CTNNA2: variants seen among roughly 807,000 people sequenced by gnomAD.
The protein encoded by CTNNA2 is catenin alpha 2, also known as catenin alpha-2.
CTNNA2 carries 42 observed loss-of-function variants against 101.0 expected under a neutral mutation model. The observed-to-expected ratio is 0.42, with a 90% CI of 0.32 to 0.54. The LOEUF (loss-of-function observed/expected upper bound fraction) is 0.54, where lower values mean the gene tolerates loss of function less well. Ranked by LOEUF, CTNNA2 falls within the 20% of genes least tolerant of loss-of-function variation. The pLI, the probability that CTNNA2 is intolerant of heterozygous loss-of-function variation, is 0.14. For synonymous variants in CTNNA2, 450 were observed against 456.4 expected, an observed-to-expected ratio of 0.99 and a Z score of 0.18; for missense variants, 871 against 1,223.1, an observed-to-expected ratio of 0.71 and a Z score of 4.29.
At chr2:79,315,338 T>G (rs183654978) in intron 3 of CTNNA2, among the ~76,000 whole-genome samples, 1 of 152,294 alleles carries the variant, frequency 6.6e-6, no homozygotes, top group African/African-American at 2.4e-5. Flanking sequence ...CCATTACCAC[T>G]ATCAATATTA....
intron 9 of CTNNA2, among the ~76,000 whole-genome samples, chr2:80,542,618 T>C (rs1291042922): frequency 3.3e-5 from 5 of 152,188 alleles, no homozygotes; most frequent in Non-Finnish European, 7.4e-5. Context: ...ATTACCTGAT[T>C]CTTGGGGCAT....
chr2:80,335,465 A>G (rs1223688289), intron 7 of CTNNA2, among the ~76,000 whole-genome samples: 1 of 152,166 alleles, frequency 6.6e-6, no homozygotes, highest in Non-Finnish European at 1.5e-5. Flanking sequence ...GGGTCAGACC[A>G]CAGGGCTGTG....
intron 7 of CTNNA2, among the ~76,000 whole-genome samples, chr2:79,911,246 CGTT>C (rs1014351896): frequency 5.3e-5 from 8 of 152,230 alleles, no homozygotes; most frequent in South Asian, 2.1e-4. Context: ...TTTGTTTGTT[CGTT>C]GTTGTTGTTA....
At chr2:79,264,302 T>C (rs1266988537) in intron 2 of CTNNA2, among the ~76,000 whole-genome samples, 3 of 152,156 alleles carry the variant, frequency 2.0e-5, no homozygotes, top group African/African-American at 7.2e-5. Flanking sequence ...GTAGTAGAGA[T>C]GATGCTTTAA....
chr2:80,502,579 T>C (rs1302644920), intron 9 of CTNNA2, among the ~76,000 whole-genome samples: 1 of 152,208 alleles, frequency 6.6e-6, no homozygotes, highest in Non-Finnish European at 1.5e-5. Flanking sequence ...TTCTTTCCTC[T>C]TCCTCAAAGC....
chr2:79,499,253 C>G (rs188109140), intron 4 of CTNNA2: 2 of 152,122 alleles, frequency 1.3e-5, no homozygotes, highest in Admixed American at 1.3e-4. Flanking sequence ...CTGCAAGTAA[C>G]AGAAAACCAG....
At chr2:80,070,251 A>G (rs1480884393) in intron 7 of CTNNA2, among the ~76,000 whole-genome samples, 1 of 152,196 alleles carries the variant, frequency 6.6e-6, no homozygotes, top group Admixed American at 6.5e-5. Flanking sequence ...CTAATTTACA[A>G]TAAGCGGGAT....
At chr2:79,633,601 TG>T (rs1226487022) in intron 1 of CTNNA2, 1 of 152,246 alleles carries the variant, frequency 6.6e-6, no homozygotes, top group Admixed American at 6.5e-5. Flanking sequence ...GAAAGATGTC[TG>T]TGAGATGCAT....
At chr2:80,009,954 C>T (rs886631134) in intron 7 of CTNNA2, among the ~76,000 whole-genome samples, 1 of 152,116 alleles carries the variant, frequency 6.6e-6, no homozygotes, top group Non-Finnish European at 1.5e-5. Flanking sequence ...GTTGCATGAA[C>T]CTGGGCAAAT....
In CTNNA2 at chr2:80,521,814, T is replaced by G. The variant is rs896729433; in HGVS notation, c.1291-23168T>G. Among the ~76,000 whole-genome samples the G allele has an allele frequency of 6.6e-5, 10 of 152,324 alleles. No homozygotes were observed. The East Asian group carries it at 1.5e-3, about 24-fold the overall frequency. Reference sequence around the variant, plus strand: ...CAGAAATGTAAGATAAATTTTGTGATGTCTGAAGCCATTAAAGTTGTAATT... The same window carrying G: ...CAGAAATGTAAGATAAATTTTGTGAGGTCTGAAGCCATTAAAGTTGTAATT... On this transcript the variant is annotated intron_variant, in intron 9 of 18. Coordinates refer to ENST00000402739, the MANE Select transcript of CTNNA2 (RefSeq NM_001282597.3).
At chr2:79,870,020 A>G (rs572036052) in intron 5 of CTNNA2, 85 bp downstream of exon 5, 23 of 1,494,526 alleles carry the variant, frequency 1.5e-5, no homozygotes, top group Admixed American at 3.9e-5. Flanking sequence ...CAATGGATCA[A>G]CTGCATCTGC....
At chr2:79,943,286 G>C (rs1312273980) in intron 7 of CTNNA2, among the ~76,000 whole-genome samples, 1 of 93,230 alleles carries the variant, frequency 1.1e-5, no homozygotes, top group African/African-American at 3.2e-5. Flanking sequence ...TAAAAAGAAA[G>C]TGGATTTTCT....
At chr2:80,543,777 G>T (rs1691788923) in intron 9 of CTNNA2, among the ~76,000 whole-genome samples, 1 of 152,066 alleles carries the variant, frequency 6.6e-6, no homozygotes, top group South Asian at 2.1e-4. Flanking sequence ...AAAATCCTAG[G>T]GCATTCAGGA....
intron 1 of CTNNA2, among the ~76,000 whole-genome samples, chr2:79,195,374 T>G (rs1673946180): frequency 6.6e-6 from 1 of 152,162 alleles, no homozygotes; most frequent in African/African-American, 2.4e-5. Context: ...CAACATATCA[T>G]TCCTGTGGGG....
At chr2:79,791,270 A>T in intron 3 of CTNNA2, among the ~76,000 whole-genome samples, 1 of 152,182 alleles carries the variant, frequency 6.6e-6, no homozygotes, top group Non-Finnish European at 1.5e-5. Context: ...TGTGGAACAA[A>T]TAAGAATCTC....
intron 1 of CTNNA2, among the ~76,000 whole-genome samples, chr2:79,191,449 T>C (rs960085000): frequency 1.1e-4 from 17 of 152,310 alleles, no homozygotes; most frequent in Admixed American, 6.5e-4. Flanking sequence ...ATTAATCTTA[T>C]GTCATACAGA....
intron 2 of CTNNA2, among the ~76,000 whole-genome samples, chr2:79,657,347 G>A: frequency 6.6e-6 from 1 of 151,642 alleles, no homozygotes; most frequent in East Asian, 1.9e-4. Context: ...CTAAAGGAAG[G>A]GAATCAGTTC....
chr2:79,512,047 G>A (rs1671558141), upstream of CTNNA2, among the ~76,000 whole-genome samples: 2 of 152,110 alleles, frequency 1.3e-5, no homozygotes, highest in East Asian at 1.9e-4. Flanking sequence ...AAAGATGACT[G>A]TAACTTATAT....
At chr2:79,835,148 G>T (rs182332889) in intron 3 of CTNNA2, among the ~76,000 whole-genome samples, 2 of 151,988 alleles carry the variant, frequency 1.3e-5, no homozygotes, top group African/African-American at 4.8e-5. Flanking sequence ...TTATTTATTG[G>T]CCCTCTTTTC....
Sources: gnomAD v4.1 joint callset for allele counts (sites outside exome capture counted in the v4.1 genomes callset) on GRCh38, gnomAD v4.1.1 for gene constraint, MANE v1.5 for transcripts, NCBI Gene and HGNC (gene_info 2026-07-23, HGNC 2026-07-21) for gene names.